The following MAPK8 variants were observed in gnomAD, a reference collection of about 807,000 sequenced individuals.
The protein encoded by MAPK8 is mitogen-activated protein kinase 8.
Under a neutral mutation model 52.9 loss-of-function variants are expected in MAPK8, and 13 were observed. That is an observed-to-expected ratio of 0.25 (90% CI 0.16 to 0.39). MAPK8 has a LOEUF of 0.39. Ranked by LOEUF, MAPK8 falls within the 10% of genes least tolerant of loss-of-function variation. The probability of loss-of-function intolerance (pLI) is 1.00; values close to 1 mark genes in which losing one functional copy is unlikely to be tolerated. For missense variants in MAPK8, 300 were observed against 519.2 expected (o/e 0.58, Z 4.10); for synonymous variants, 191 against 169.8 (o/e 1.12, Z -0.97).
chr10:48,368,152 A>G (rs1228747336), intron 1 of MAPK8, among the ~76,000 whole-genome samples: 1 of 152,228 alleles, frequency 6.6e-6, no homozygotes, highest in East Asian at 1.9e-4. Context: ...TTGGCAGCTG[A>G]TTAGATTAAT....
intron 7 of MAPK8, chr10:48,425,481 T>C (rs947913824): frequency 7.7e-6 from 3 of 389,910 alleles, no homozygotes; most frequent in South Asian, 7.6e-5. Context: ...TCTAGAAATA[T>C]TGTCTAGGAG....
chr10:48,425,885 T>C lies in MAPK8; in HGVS notation c.689-3T>C. ...AGTATTTTTCTTAGCTACTTGATAT[T>C]AGATATTGATCAGTGGAATAAAGTT... On this transcript the variant is annotated splice_region_variant and splice_polypyrimidine_tract_variant and intron_variant, in intron 7 of 11. Coordinates refer to ENST00000374189, the MANE Select transcript of MAPK8 (RefSeq NM_001323329.2). 6.3e-7 allele frequency: 1 copy of C among 1,577,056 alleles called. No homozygotes were observed. The highest frequency in any genetic ancestry group is 8.6e-7 in the Non-Finnish European group (1 of 1,156,752).
At chr10:48,434,752 T>C in intron 11 of MAPK8, 132 bp from the exon 12 acceptor site, 1 of 612,486 alleles carries the variant, frequency 1.6e-6, no homozygotes. Flanking sequence ...TTGGATATCA[T>C]TTGCGATTAT....
At chr10:48,311,347 C>T (rs927133639) in intron 1 of MAPK8, among the ~76,000 whole-genome samples, 2 of 152,196 alleles carry the variant, frequency 1.3e-5, no homozygotes, top group African/African-American at 4.8e-5. Context: ...ATTCGATCAT[C>T]TCATGTAATC....
chr10:48,431,229 G>A lies in MAPK8; in HGVS notation c.1097G>A (p.Arg366Lys). The A allele has an allele frequency of 6.2e-7, 1 of 1,612,336 alleles. No homozygotes were observed. Among genetic ancestry groups the A allele is most frequent in the African/African-American group, 1.3e-5 (1 of 75,008 alleles). The change falls in exon 11 of 12, where the codon AGA becomes AAA. Residue 366 changes from arginine to lysine, a missense_variant. Arg to Lys is a conservative substitution (Grantham distance 26, BLOSUM62 2). This residue lies in a region of MAPK8 where 119 missense variants were observed against 154.4 expected (regional missense o/e 0.77). Transcript: ENST00000374189. ...IYKEVMDLEE[R>K]TKNGVIRGQP... is the part of the protein sequence containing the mutation. ...AAGGAAGTTATGGACTTGGAGGAGA[G>A]AACCAAGAATGGAGTTATACGGGGG...
At chr10:48,419,934 TTAC>T (rs1288588736) in intron 5 of MAPK8, among the ~76,000 whole-genome samples, 2 of 152,208 alleles carry the variant, frequency 1.3e-5, no homozygotes, top group African/African-American at 4.8e-5. Context: ...AATTAAAACA[TTAC>T]TAACTTCTCT....
intron 1 of MAPK8, among the ~76,000 whole-genome samples, chr10:48,313,686 TC>T (rs1391620888): frequency 3.3e-5 from 5 of 152,240 alleles, no homozygotes; most frequent in African/African-American, 1.2e-4. Flanking sequence ...TCTGCTCTGC[TC>T]CCTCCCTTTT....
chr10:48,428,717 C>A (rs1456277229), intron 10 of MAPK8, among the ~76,000 whole-genome samples: 1 of 152,180 alleles, frequency 6.6e-6, no homozygotes, highest in Non-Finnish European at 1.5e-5. Flanking sequence ...TAGCTCTGTA[C>A]TGAGTATGTA....
intron 1 of MAPK8, among the ~76,000 whole-genome samples, chr10:48,384,172 A>G (rs2041175829): frequency 6.6e-6 from 1 of 152,174 alleles, no homozygotes; most frequent in Non-Finnish European, 1.5e-5. Context: ...GAATCGCTTG[A>G]GCCGGAGAGT....
intron 7 of MAPK8, chr10:48,424,613 G>GT (rs1374560762): frequency 6.8e-7 from 1 of 1,474,686 alleles, no homozygotes; most frequent in Non-Finnish European, 9.2e-7. Context: ...CTAAAATGTA[G>GT]TTTCTAAAGG....
At position 48,435,052 on chromosome 10, in the gene MAPK8, G is replaced by GCT; in HGVS notation, c.*23_*24insCT. 6 of 1,412,456 alleles carry GCT rather than the reference G, an allele frequency of 4.2e-6. No individual in the cohort carries two copies. The highest frequency in any genetic ancestry group is 5.8e-6 in the Non-Finnish European group (6 of 1,035,698). 87.5% of individuals were successfully genotyped at this position (1,412,456 alleles called of 1,614,324 possible). Reference sequence around the variant, plus strand: ...TGACTACTTGGGCCATCGGGGGGTGGGAGGGATGGGGAGTCGGTTAGTCAT... The same window carrying GCT: ...TGACTACTTGGGCCATCGGGGGGTGGCTGAGGGATGGGGAGTCGGTTAGTCAT... On this transcript the variant is annotated 3_prime_UTR_variant, in exon 12 of 12. Transcript: ENST00000374189.
intron 8 of MAPK8, 147 bp downstream of exon 8, chr10:48,426,217 T>G: frequency 2.2e-6 from 2 of 915,556 alleles, no homozygotes; most frequent in Admixed American, 3.5e-5. Flanking sequence ...AGGTTTTTGT[T>G]TTTTTTTTCT....
At chr10:48,375,731 A>G (rs945174753) in intron 1 of MAPK8, among the ~76,000 whole-genome samples, 5 of 152,368 alleles carry the variant, frequency 3.3e-5, no homozygotes, top group East Asian at 3.9e-4. Context: ...GCTCAAGGAA[A>G]TAAGAGGGGA....
chr10:48,379,367 T>C (rs565802264), intron 1 of MAPK8, among the ~76,000 whole-genome samples: 24 of 152,340 alleles, frequency 1.6e-4, no homozygotes, highest in South Asian at 1.0e-3. Flanking sequence ...AGTAGTTTGA[T>C]CATATGCTGT....
At chr10:48,323,270 A>G (rs1347151612) in intron 1 of MAPK8, among the ~76,000 whole-genome samples, 1 of 152,238 alleles carries the variant, frequency 6.6e-6, no homozygotes, top group Non-Finnish European at 1.5e-5. Flanking sequence ...AGGCGCTGAC[A>G]TATTTGTTGT....
At chr10:48,430,833 G>T (rs556885166) in intron 10 of MAPK8, 1 of 252,982 alleles carries the variant, frequency 4.0e-6, no homozygotes, top group Non-Finnish European at 7.5e-6. Flanking sequence ...AAGACACGTG[G>T]TTCAAGCCCT....
At chr10:48,321,009 T>C (rs771341201) in intron 1 of MAPK8, among the ~76,000 whole-genome samples, 3 of 152,180 alleles carry the variant, frequency 2.0e-5, no homozygotes, top group Non-Finnish European at 4.4e-5. Context: ...TTGGCCACTT[T>C]TATATCTTCT....
At chr10:48,407,955 T>C (rs772125668) in intron 3 of MAPK8, among the ~76,000 whole-genome samples, 2 of 152,240 alleles carry the variant, frequency 1.3e-5, no homozygotes, top group Admixed American at 6.5e-5. Context: ...CTTGAACTTA[T>C]TTAGAGCAGC....
At chr10:48,307,912 TATA>T (rs1314540901) in intron 1 of MAPK8, among the ~76,000 whole-genome samples, 2 of 152,218 alleles carry the variant, frequency 1.3e-5, no homozygotes, top group Non-Finnish European at 2.9e-5. Flanking sequence ...TTGACTGAAG[TATA>T]ATAGATGGAC....
Sources: gnomAD v4.1 joint callset for allele counts (sites outside exome capture counted in the v4.1 genomes callset) on GRCh38, gnomAD v4.1.1 for gene constraint, gnomAD v4.1.1 regional missense constraint, MANE v1.5 for transcripts, NCBI Gene and HGNC (gene_info 2026-07-23, HGNC 2026-07-21) for gene names.